The following CREB3L2 variants were observed in gnomAD, a reference collection of about 807,000 sequenced individuals.
CREB3L2 encodes cAMP responsive element binding protein 3 like 2.
In CREB3L2, 23 loss-of-function variants were observed where a neutral mutation model predicts 57.2. That is an observed-to-expected ratio of 0.40 (90% CI 0.29 to 0.57). CREB3L2 has a LOEUF of 0.57. Among genes scored for constraint, CREB3L2 ranks in the 20% least tolerant of loss-of-function variants. The pLI is 0.42. For missense variants in CREB3L2, 628 were observed against 634.7 expected (o/e 0.99, Z 0.11); for synonymous variants, 268 against 265.1 (o/e 1.01, Z -0.11).
chr7:137,995,637 GC>G (rs773095597), intron 1 of CREB3L2, among the ~76,000 whole-genome samples: 1 of 151,964 alleles, frequency 6.6e-6, no homozygotes, highest in Non-Finnish European at 1.5e-5. Context: ...CCGGCCAGGG[GC>G]TCTATTTCAC....
chr7:137,949,107 T>C (rs923485486), intron 1 of CREB3L2, among the ~76,000 whole-genome samples: 3 of 152,188 alleles, frequency 2.0e-5, no homozygotes, highest in Admixed American at 6.5e-5. Context: ...CATGGCAATC[T>C]CAAAGGCCAA....
Position 137,878,010 on chromosome 7 carries a change from C to T in CREB3L2, c.*2466G>A, listed in dbSNP as rs1455944238. 8.8e-6 allele frequency: 2 copies of T among 228,478 alleles called. No homozygotes were observed. The highest frequency in any genetic ancestry group is 1.7e-5 in the Non-Finnish European group (2 of 115,278). 14.2% of individuals were successfully genotyped at this position (228,478 alleles called of 1,614,324 possible). A position where few individuals can be genotyped will look rare whatever the true frequency, so the allele number is the denominator to read the frequency against. On this transcript the variant is annotated 3_prime_UTR_variant, in exon 12 of 12. Coordinates refer to ENST00000330387, the MANE Select transcript of CREB3L2 (RefSeq NM_194071.4). Reference sequence around the variant, plus strand: ...ATCTAAAAGAGCAGTGATGTTGGTTCTTGGAGCCCCCTTAAAAGGGCCATC... The same window carrying T: ...ATCTAAAAGAGCAGTGATGTTGGTTTTTGGAGCCCCCTTAAAAGGGCCATC...
intron 10 of CREB3L2, 65 bp from the exon 11 acceptor site, chr7:137,882,693 C>T: frequency 8.8e-7 from 1 of 1,141,788 alleles, no homozygotes; most frequent in South Asian, 1.7e-5. Context: ...CATTCCCTCA[C>T]TCCAGGTGCT....
intron 2 of CREB3L2, among the ~76,000 whole-genome samples, chr7:137,918,577 T>C (rs950901785): frequency 2.0e-5 from 3 of 152,248 alleles, no homozygotes; most frequent in African/African-American, 7.2e-5. Context: ...GGATGAAATA[T>C]AGCCTCAGTA....
chr7:137,935,323 G>A (rs756091247), intron 1 of CREB3L2, among the ~76,000 whole-genome samples: 43 of 152,222 alleles, frequency 2.8e-4, no homozygotes, highest in Admixed American at 1.4e-3. Flanking sequence ...TTTTCTACTT[G>A]CACACCAGCT....
chr7:137,975,011 AG>A (rs1162048643), intron 1 of CREB3L2, among the ~76,000 whole-genome samples: 1 of 152,250 alleles, frequency 6.6e-6, no homozygotes, highest in Non-Finnish European at 1.5e-5. Flanking sequence ...CAGAATGAGA[AG>A]AAATGACATT....
intron 1 of CREB3L2, among the ~76,000 whole-genome samples, chr7:137,988,582 A>C (rs1585679492): frequency 6.6e-6 from 1 of 152,336 alleles, no homozygotes; most frequent in African/African-American, 2.4e-5. Context: ...AAGAGTCAGA[A>C]GAATAAAGAG....
rs955716601 is a variant in CREB3L2, at chr7:137,878,919, G to T, written c.*1557C>A. 9 of 400,320 alleles carry T rather than the reference G, an allele frequency of 2.2e-5. No homozygotes were observed. The highest frequency in any genetic ancestry group is 4.2e-5 in the Non-Finnish European group (9 of 214,762). 24.8% of individuals were successfully genotyped at this position (400,320 alleles called of 1,614,324 possible). A position where few individuals can be genotyped will look rare whatever the true frequency, so the allele number is the denominator to read the frequency against. ...ATGCAGATGACGTGTGTGGGGGTGG[G>T]TGGTGGGGGGAGAGAGAGAAGGAGA... is the stretch of plus-strand genomic sequence containing the variant. On this transcript the variant is annotated 3_prime_UTR_variant, in exon 12 of 12. Coordinates refer to ENST00000330387, the MANE Select transcript of CREB3L2 (RefSeq NM_194071.4).
intron 1 of CREB3L2, among the ~76,000 whole-genome samples, chr7:137,976,760 T>C (rs1367308065): frequency 1.3e-5 from 2 of 152,164 alleles, no homozygotes; most frequent in African/African-American, 4.8e-5. Context: ...GCTCAGGCAT[T>C]AGTATTTTTT....
chr7:137,915,868 T>A lies in CREB3L2; in HGVS notation c.464A>T (p.Lys155Met). The A allele has an allele frequency of 6.2e-7, 1 of 1,614,068 alleles. No homozygotes were observed. The highest frequency in any genetic ancestry group is 8.5e-7 in the Non-Finnish European group (1 of 1,179,966). The change falls in exon 3 of 12, where the codon AAG becomes ATG. Residue 155 changes from lysine to methionine, a missense_variant. Physicochemically the swap from Lys to Met is moderately conservative, Grantham distance 95. Transcript: ENST00000330387. ...GTTCATTTCCAGAGGAGGTTCCTCC[T>A]TTTCCAACGGGGTGGAGATGGCTGT... ...TITAISTPLE[K>M]EEPPLEMNTG... is the part of the protein sequence containing the mutation.
In CREB3L2 at chr7:138,001,818, G is replaced by GC; in HGVS notation, c.-114dup. On this transcript the variant is annotated 5_prime_UTR_variant, in exon 1 of 12. Coordinates refer to ENST00000330387, the MANE Select transcript of CREB3L2 (RefSeq NM_194071.4). The surrounding 1 kb of genome is among the most constrained non-coding windows in gnomAD (Gnocchi z 4.2). The stretch of plus-strand genomic sequence containing the variant: ...CGCGTGTGCTTGCGTGTGTGCGCGC[G>GC]CGTGTCTGTAGTTTTGCACTTGGAA... 1.4e-6 allele frequency: 1 copy of GC among 707,362 alleles called. No homozygotes were observed. Among genetic ancestry groups the GC allele is most frequent in the Non-Finnish European group, 2.2e-6 (1 of 456,096 alleles). 43.8% of individuals were successfully genotyped at this position (707,362 alleles called of 1,614,324 possible). A position where few individuals can be genotyped will look rare whatever the true frequency, so the allele number is the denominator to read the frequency against.
At chr7:137,885,880 T>TA (rs1799407701) in intron 8 of CREB3L2, among the ~76,000 whole-genome samples, 1 of 152,182 alleles carries the variant, frequency 6.6e-6, no homozygotes, top group African/African-American at 2.4e-5. Flanking sequence ...ATTCCTATGC[T>TA]AAAACCCAGT....
At position 137,976,205 on chromosome 7, in the gene CREB3L2, G is replaced by A. The variant is rs531195594; in HGVS notation, c.102+25399C>T. On this transcript the variant is annotated intron_variant, in intron 1 of 11. Coordinates refer to ENST00000330387, the MANE Select transcript of CREB3L2 (RefSeq NM_194071.4). ...CTACTTTCTCAGTTGGACCTCCTTG[G>A]GGTCCCTTTCCTAAATATATGGCCA... Among the ~76,000 whole-genome samples, 18 of 152,290 alleles carry A rather than the reference G, an allele frequency of 1.2e-4. No homozygotes were observed. In the South Asian group the frequency reaches 1.4e-3, roughly 12 times the overall value.
At chr7:137,983,412 A>G (rs1178926753) in intron 1 of CREB3L2, among the ~76,000 whole-genome samples, 2 of 152,246 alleles carry the variant, frequency 1.3e-5, no homozygotes, top group Non-Finnish European at 2.9e-5. Context: ...GTACAGAGCT[A>G]GTGGTCTTTT....
chr7:137,908,093 T>C (rs1421757188), intron 5 of CREB3L2, among the ~76,000 whole-genome samples, 159 bp downstream of exon 5: 1 of 152,182 alleles, frequency 6.6e-6, no homozygotes, highest in Non-Finnish European at 1.5e-5. Flanking sequence ...CTAGAAAGTG[T>C]TCTTTAGGGT....
At position 138,002,066 on chromosome 7, in the gene CREB3L2, A is replaced by G. The variant is rs1288153152; in HGVS notation, c.-361T>C. ...CGGCTCCAGACACAAACTTTGAGGGACCCCAGGGCTCCTCGGCTCTGCTCC... is the reference window on the plus strand; with the variant it reads ...CGGCTCCAGACACAAACTTTGAGGGGCCCCAGGGCTCCTCGGCTCTGCTCC... On this transcript the variant is annotated 5_prime_UTR_variant, in exon 1 of 12. Transcript: ENST00000330387. The G allele has an allele frequency of 1.4e-5, 4 of 280,988 alleles. No individual in the cohort carries two copies. The highest frequency in any genetic ancestry group is 6.4e-5 in the African/African-American group (3 of 46,584). The allele number at this position is 280,988 out of a possible 1,614,324, so 17.4% of individuals were successfully genotyped here. A position where few individuals can be genotyped will look rare whatever the true frequency, so the allele number is the denominator to read the frequency against.
rs1195936536 is a variant in CREB3L2 at position 137,880,494 on chromosome 7, T to C, written c.1545A>G (p.Arg515=). 1 of 1,613,642 alleles carries C rather than the reference T, an allele frequency of 6.2e-7. No homozygotes were observed. Among genetic ancestry groups the C allele is most frequent in the Non-Finnish European group, 8.5e-7 (1 of 1,179,818 alleles). The change falls in exon 12 of 12, where the codon AGA becomes AGG. Residue 515 remains arginine, a synonymous_variant. Transcript: ENST00000330387. The surrounding 1 kb of genome is among the most constrained non-coding windows in gnomAD (Gnocchi z 4.0). ...AGCCTCTTTAGAAAGTGGTGTTCAC[T>C]CTTCTGTCGAGTTCTACAACTTTTA... The part of the protein sequence containing the change: ...ETLKVVELDR[R]VNTTF
At chr7:137,979,934 C>A (rs948784106) in intron 1 of CREB3L2, among the ~76,000 whole-genome samples, 1 of 152,194 alleles carries the variant, frequency 6.6e-6, no homozygotes, top group Non-Finnish European at 1.5e-5. Flanking sequence ...GTTTCTTGGG[C>A]TCCATCTAGC....
At chr7:137,902,007 A>C (rs1376666327) in intron 7 of CREB3L2, among the ~76,000 whole-genome samples, 1 of 151,116 alleles carries the variant, frequency 6.6e-6, no homozygotes, top group Non-Finnish European at 1.5e-5. Flanking sequence ...TAGCCTGGCC[A>C]ACATGGTGAA....
Sources: gnomAD v4.1 joint callset for allele counts (sites outside exome capture counted in the v4.1 genomes callset) on GRCh38, gnomAD v4.1.1 for gene constraint, Gnocchi (gnomAD v3.1) non-coding constraint, MANE v1.5 for transcripts, NCBI Gene and HGNC (gene_info 2026-07-23, HGNC 2026-07-21) for gene names.